The following CUL9 variants were observed in gnomAD, a reference collection of about 807,000 sequenced individuals.
CUL9 encodes cullin 9, also known as cullin-9.
Under a neutral mutation model 272.6 loss-of-function variants are expected in CUL9, and 79 were observed. The ratio of observed to expected loss-of-function variants is 0.29; its 90% CI spans 0.24 to 0.35. The LOEUF (loss-of-function observed/expected upper bound fraction) is 0.35. Ranked by LOEUF, CUL9 falls within the 10% of genes least tolerant of loss-of-function variation. CUL9 has a pLI of 1.00. For synonymous variants in CUL9, 1,186 were observed against 1,286.5 expected (o/e 0.92, Z 1.67); for missense variants, 2,532 against 3,255.6 (o/e 0.78, Z 5.41).
Position 43,185,993 on chromosome 6 carries a change from C to T in CUL9, c.789C>T (p.Tyr263=), listed in dbSNP as rs1407665232. The change falls in exon 4 of 41, where the codon TAC becomes TAT. Residue 263 remains tyrosine, a synonymous_variant. Coordinates refer to ENST00000252050, the MANE Select transcript of CUL9 (RefSeq NM_015089.4). ...GKLLFSLVKR[Y]LCVTSLLDQL... ...TGCTTTTCTCCTTGGTGAAGCGCTA[C>T]CTTTGTGTCACGTCCCTCCTGGATC... The T allele has an allele frequency of 6.8e-6, 11 of 1,613,538 alleles. No homozygotes were observed. Among genetic ancestry groups the T allele is most frequent in the Non-Finnish European group, 9.3e-6 (11 of 1,179,592 alleles).
At chr6:43,214,082 G>C (rs1232715978) in intron 29 of CUL9, among the ~76,000 whole-genome samples, 170 bp downstream of exon 29, 2 of 152,204 alleles carry the variant, frequency 1.3e-5, no homozygotes, top group Non-Finnish European at 2.9e-5. Context: ...AGGCATGAGT[G>C]TTTACCATGA....
rs1310346878 is a variant in CUL9, at chr6:43,204,555, G to A, written c.4339+16G>A. ...ACTCGGCCCTGTAAGTCCCAGCTGT[G>A]GCCAGTGGAGCTGACTCTGCGGACA... On this transcript the variant is annotated intron_variant, in intron 21 of 40. Transcript: ENST00000252050. 6.2e-7 allele frequency: 1 copy of A among 1,613,664 alleles called. No individual in the cohort carries two copies. Among genetic ancestry groups the A allele is most frequent in the African/African-American group, 1.3e-5 (1 of 75,004 alleles).
chr6:43,213,153 G>A lies in CUL9; in HGVS notation c.5217G>A (p.Gln1739=). 1 of 1,614,044 alleles carries A rather than the reference G, an allele frequency of 6.2e-7. No individual in the cohort carries two copies. Among genetic ancestry groups the A allele is most frequent in the South Asian group, 1.1e-5 (1 of 91,064 alleles). The part of the protein sequence containing the change: ...DRFSSFYSQS[Q]NHPVLDMGPH... The stretch of plus-strand genomic sequence containing the variant: ...TTCTCCTTGACACTTGCCTAGGTCA[G>A]AACCATCCAGTCCTGGACATGGGAC... The change falls in exon 27 of 41, where the codon CAG becomes CAA. Residue 1739 remains glutamine, a synonymous_variant. Transcript: ENST00000252050. This position sits in a 1 kb window ranked among gnomAD's most constrained non-coding sequence, Gnocchi z 5.7.
At position 43,212,436 on chromosome 6, in the gene CUL9, G is replaced by A. The variant is rs189079696; in HGVS notation, c.5213-713G>A. Among the ~76,000 whole-genome samples the A allele has an allele frequency of 2.6e-5, 4 of 151,664 alleles. No individual in the cohort carries two copies. The East Asian group carries it at 7.7e-4, about 29-fold the overall frequency. ...CATGTATTAGCTGGAATGCTTTCAA[G>A]AGAAACCCTTTCACTAACTGTTTAT... On this transcript the variant is annotated intron_variant, in intron 26 of 40. Transcript: ENST00000252050.
At chr6:43,222,443 TG>T in intron 36 of CUL9, 53 bp downstream of exon 36, 5 of 526,322 alleles carry the variant, frequency 9.5e-6, no homozygotes, top group Non-Finnish European at 1.6e-5. Flanking sequence ...GTTGGGGTGG[TG>T]GGGTGGAGGG....
chr6:43,198,343 A>G (rs1774196240), intron 11 of CUL9: 1 of 975,972 alleles, frequency 1.0e-6, no homozygotes, highest in African/African-American at 1.8e-5. Context: ...ACTATAACTA[A>G]CATTTAATAA....
At position 43,186,131 on chromosome 6, in the gene CUL9, C is replaced by T. The variant is rs1002971642; in HGVS notation, c.927C>T (p.Leu309=). 3 of 1,614,258 alleles carry T rather than the reference C, an allele frequency of 1.9e-6. No homozygotes were observed. The South Asian group carries it at 3.3e-5, about 18-fold the overall frequency. The change falls in exon 4 of 41, where the codon CTC becomes CTT. Residue 309 remains leucine, a synonymous_variant. Transcript: ENST00000252050. ...ELEFSMAVGN[L]ISELVRSMGW... is the part of the protein sequence containing the mutation. ...AGTTCAGCATGGCTGTGGGCAACCT[C>T]ATCTCTGAGCTTGTGCGGAGCATGG... is the stretch of plus-strand genomic sequence containing the variant.
intron 9 of CUL9, 135 bp downstream of exon 9, chr6:43,193,343 G>C: frequency 1.3e-6 from 1 of 774,488 alleles, no homozygotes; most frequent in Non-Finnish European, 2.2e-6. Context: ...ATGGTTTTAA[G>C]AGTTTGATCT....
chr6:43,201,575 G>A lies in CUL9; in HGVS notation c.3647+741G>A, dbSNP rs564164083. On this transcript the variant is annotated intron_variant, in intron 16 of 40. Transcript: ENST00000252050. ...GCTCACTGCAACTTCTGCCTCCCGG[G>A]TTCACCCCATTCTCCTGTCTCAGCC... Among the ~76,000 whole-genome samples, 4 of 152,280 alleles carry A rather than the reference G, an allele frequency of 2.6e-5. No individual in the cohort carries two copies. In the South Asian group the frequency reaches 8.3e-4, roughly 32 times the overall value.
chr6:43,185,370 G>A (rs184411079), intron 2 of CUL9, 86 bp from the exon 3 acceptor site: 32 of 1,434,826 alleles, frequency 2.2e-5, no homozygotes, highest in Admixed American at 9.4e-5. Flanking sequence ...GTTTGAAAGC[G>A]TCTGGGGTAG....
intron 26 of CUL9, among the ~76,000 whole-genome samples, chr6:43,207,775 C>T (rs1301823510): frequency 2.0e-5 from 3 of 152,072 alleles, no homozygotes; most frequent in Non-Finnish European, 4.4e-5. Flanking sequence ...ATTGAGACTT[C>T]GTTATGGCCT....
chr6:43,187,232 G>A lies in CUL9; in HGVS notation c.1388-14G>A. 1 of 1,612,848 alleles carries A rather than the reference G, an allele frequency of 6.2e-7. No homozygotes were observed. The highest frequency in any genetic ancestry group is 8.5e-7 in the Non-Finnish European group (1 of 1,179,138). ...CCTGAGGGGTGCTGATGCCCGCCAT[G>A]CCTGTGTCCTCAGCATTTCCCTCCT... On this transcript the variant is annotated splice_polypyrimidine_tract_variant and intron_variant, in intron 5 of 40. Coordinates refer to ENST00000252050, the MANE Select transcript of CUL9 (RefSeq NM_015089.4).
chr6:43,202,885 G>A (rs1048593392), intron 17 of CUL9, 64 bp downstream of exon 17: 22 of 1,491,180 alleles, frequency 1.5e-5, no homozygotes, highest in Non-Finnish European at 1.6e-5. Context: ...AGTGCCTGTG[G>A]GAAGGACCTA....
In CUL9 at chr6:43,215,331, C is replaced by A; in HGVS notation, c.5936+5C>A. The A allele has an allele frequency of 6.2e-7, 1 of 1,602,016 alleles. No homozygotes were observed. Among genetic ancestry groups the A allele is most frequent in the South Asian group, 1.1e-5 (1 of 89,872 alleles). On this transcript the variant is annotated splice_donor_5th_base_variant and intron_variant, in intron 30 of 40. Coordinates refer to ENST00000252050, the MANE Select transcript of CUL9 (RefSeq NM_015089.4). The stretch of plus-strand genomic sequence containing the variant: ...GAGCGAAACCTCCAAGCCCAGGTAG[C>A]CACTGCACCTGACCCCTTGCAGTGA...
At chr6:43,196,394 G>A (rs958426557) in intron 10 of CUL9, 129 bp downstream of exon 10, 35 of 966,332 alleles carry the variant, frequency 3.6e-5, no homozygotes, top group South Asian at 2.0e-4. Context: ...CATTGGTGGC[G>A]CTGCCAACTG....
In CUL9 at chr6:43,216,327, G is replaced by C. The variant is rs760797570; in HGVS notation, c.6106G>C (p.Glu2036Gln). The change falls in exon 31 of 41, where the codon GAA (glutamate) becomes CAA (glutamine). Residue 2036 changes from glutamate to glutamine, a missense_variant. Glu to Gln is a conservative substitution (Grantham distance 29). This residue lies in a region of CUL9 where 2,218 missense variants were observed against 2,788.6 expected (regional missense o/e 0.80). Transcript: ENST00000252050. ...HLLAHSHWGA[E>Q]QLLQSYSEDP... is the part of the protein sequence containing the mutation. ...TTTGGCTCATTCCCACTGGGGCGCT[G>C]AACAGCTGCTGCAGAGCTACAGTGA... is the stretch of plus-strand genomic sequence containing the variant. The C allele has an allele frequency of 7.4e-6, 12 of 1,614,056 alleles. No individual in the cohort carries two copies. Among genetic ancestry groups the C allele is most frequent in the Non-Finnish European group, 1.0e-5 (12 of 1,180,032 alleles).
chr6:43,203,199 C>T lies in CUL9; in HGVS notation c.3844C>T (p.Gln1282Ter). The T allele has an allele frequency of 6.2e-7, 1 of 1,614,146 alleles. No homozygotes were observed. The highest frequency in any genetic ancestry group is 8.5e-7 in the Non-Finnish European group (1 of 1,180,020). The change falls in exon 18 of 41, where the codon CAG (glutamine) becomes TAG (stop). Residue 1282 changes from glutamine (Q) to a stop codon, truncating the protein, a stop_gained. Coordinates refer to ENST00000252050, the MANE Select transcript of CUL9 (RefSeq NM_015089.4). LOFTEE classifies it high-confidence loss of function. The surrounding 1 kb of genome is among the most constrained non-coding windows in gnomAD (Gnocchi z 5.0). The stretch of plus-strand genomic sequence containing the variant: ...CATCCAGATCCGCATAAAGCGCTGC[C>T]AGCAGGTGGTGTTAGGGTGTCAGCC... Reference protein sequence around the residue: ...PIIQIRIKRCQQGGIDTRVRG... With the variant: ...PIIQIRIKRC
chr6:43,201,004 C>T (rs886910810), intron 16 of CUL9, among the ~76,000 whole-genome samples, 170 bp downstream of exon 16: 11 of 152,194 alleles, frequency 7.2e-5, no homozygotes, highest in African/African-American at 1.9e-4. Flanking sequence ...TATAGACATC[C>T]CCTCACTCCC....
Position 43,198,846 on chromosome 6 carries a change from C to G in CUL9, c.3041C>G (p.Ser1014Cys). 1 of 1,613,460 alleles carries G rather than the reference C, an allele frequency of 6.2e-7. No homozygotes were observed. The highest frequency in any genetic ancestry group is 2.2e-5 in the East Asian group (1 of 44,878). The change falls in exon 12 of 41, where the codon TCT becomes TGT. Residue 1014 changes from serine to cysteine, a missense_variant. Coordinates refer to ENST00000252050, the MANE Select transcript of CUL9 (RefSeq NM_015089.4). ...GGGCCCAACAAGACTCTGCTGCTGT[C>G]TGTGCTGAGGTGAGGGGCCTGTTGA... ...APGPNKTLLL[S>C]VLRVITRLLD...
Sources: allele counts gnomAD v4.1 joint callset (sites outside exome capture counted in the v4.1 genomes callset), GRCh38; gene constraint gnomAD v4.1.1; regional missense constraint gnomAD v4.1.1; non-coding constraint Gnocchi (gnomAD v3.1); transcripts MANE v1.5; gene names NCBI Gene and HGNC (gene_info 2026-07-23, HGNC 2026-07-21).